NRXN3: variants seen among roughly 807,000 people sequenced by gnomAD.
NRXN3 encodes the protein neurexin 3, also known as neurexin III.
In NRXN3, 32 loss-of-function variants were observed where a neutral mutation model predicts 137.6. That is an observed-to-expected ratio of 0.23 (90% CI 0.18 to 0.31). The LOEUF is 0.31. Ranked by LOEUF, NRXN3 falls within the 10% of genes least tolerant of loss-of-function variation. The pLI, the probability that NRXN3 is intolerant of heterozygous loss-of-function variation, is 1.00. For missense variants in NRXN3, 1,574 were observed against 2,062.5 expected (o/e 0.76, Z 4.59); for synonymous variants, 798 against 784.5 (o/e 1.02, Z -0.29).
chr14:79,548,918 C>T (rs2097348020), intron 16 of NRXN3, among the ~76,000 whole-genome samples: 1 of 152,090 alleles, frequency 6.6e-6, no homozygotes, highest in East Asian at 1.9e-4. Context: ...CTTTCAAAGA[C>T]AGTTTTGACT....
At chr14:78,523,130 CTG>C (rs2153803782) in intron 4 of NRXN3, among the ~76,000 whole-genome samples, 1 of 152,314 alleles carries the variant, frequency 6.6e-6, no homozygotes, top group South Asian at 2.1e-4. Context: ...GATCTAAACT[CTG>C]TATAGATATT....
chr14:79,648,272 C>T (rs1567769352), intron 16 of NRXN3, among the ~76,000 whole-genome samples: 1 of 135,438 alleles, frequency 7.4e-6, no homozygotes, highest in East Asian at 2.0e-4. Context: ...TGATGAGCAA[C>T]AGAAATTAGC....
chr14:79,597,276 C>G (rs1031782879), intron 16 of NRXN3, among the ~76,000 whole-genome samples: 1 of 152,092 alleles, frequency 6.6e-6, no homozygotes, highest in African/African-American at 2.4e-5. Context: ...ACTAAAAGTC[C>G]TTTGCCAACA....
At chr14:78,816,912 A>T (rs2098935248) in intron 10 of NRXN3, among the ~76,000 whole-genome samples, 1 of 152,160 alleles carries the variant, frequency 6.6e-6, no homozygotes, top group African/African-American at 2.4e-5. Flanking sequence ...CCATCCTTTA[A>T]CATCTTCAAA....
chr14:79,070,304 C>A (rs146168161), intron 15 of NRXN3, among the ~76,000 whole-genome samples: 1 of 152,126 alleles, frequency 6.6e-6, no homozygotes, highest in Non-Finnish European at 1.5e-5. Context: ...GAGAGTTTCT[C>A]TCCATTCCCC....
intron 15 of NRXN3, among the ~76,000 whole-genome samples, chr14:79,080,986 T>C (rs1391377676): frequency 2.6e-5 from 4 of 152,162 alleles, no homozygotes; most frequent in African/African-American, 9.7e-5. Context: ...TTGTTTTGGT[T>C]TTTGAATCTC....
intron 15 of NRXN3, among the ~76,000 whole-genome samples, chr14:79,031,294 T>A (rs995971836): frequency 3.9e-5 from 6 of 152,160 alleles, no homozygotes; most frequent in Non-Finnish European, 2.9e-5. Context: ...TTGTTAACTT[T>A]GTAAAATAAA....
At chr14:79,441,364 A>ATTTTTT (rs2095942733) in intron 15 of NRXN3, among the ~76,000 whole-genome samples, 3 of 108,394 alleles carry the variant, frequency 2.8e-5, no homozygotes, top group Admixed American at 9.7e-5. Flanking sequence ...CAAACAGAAA[A>ATTTTTT]TCTTTTTTTT....
intron 15 of NRXN3, among the ~76,000 whole-genome samples, chr14:79,284,943 G>T (rs150101006): frequency 3.9e-5 from 6 of 152,148 alleles, no homozygotes; most frequent in Non-Finnish European, 8.8e-5. Flanking sequence ...CCTTGGTGAT[G>T]AATTAATTAG....
At chr14:78,900,886 G>A (rs2099193754) in intron 10 of NRXN3, among the ~76,000 whole-genome samples, 1 of 151,900 alleles carries the variant, frequency 6.6e-6, no homozygotes, top group Non-Finnish European at 1.5e-5. Flanking sequence ...CTCAAAATAA[G>A]TCAGCCTGCT....
intron 19 of NRXN3, among the ~76,000 whole-genome samples, chr14:79,759,913 G>A (rs1476828987): frequency 6.6e-6 from 1 of 151,654 alleles, no homozygotes; most frequent in Non-Finnish European, 1.5e-5. Flanking sequence ...CTGTCTGTAT[G>A]AATATTTTTA....
Position 78,242,953 on chromosome 14 carries a change from G to A in NRXN3, c.-141G>A, listed in dbSNP as rs746348900. 4 of 618,506 alleles carry A rather than the reference G, an allele frequency of 6.5e-6. No individual in the cohort carries two copies. The highest frequency in any genetic ancestry group is 1.1e-5 in the Non-Finnish European group (4 of 355,102). 38.3% of individuals were successfully genotyped at this position (618,506 alleles called of 1,614,324 possible). A position where few individuals can be genotyped will look rare whatever the true frequency, so the allele number is the denominator to read the frequency against. ...CCATCTCCACTATCTCAGGATCTGT[G>A]TGTGTGCTGCCTTCCTCCTGTGTGC... On this transcript the variant is annotated 5_prime_UTR_variant, in exon 2 of 21. In the 5' UTR this introduces an upstream ATG that the reference lacks. Transcript: ENST00000335750.
chr14:78,693,656 CGTGTGTGTGTGTGTGTGT>C (rs4016744), intron 6 of NRXN3, among the ~76,000 whole-genome samples: 1,903 of 113,982 alleles, frequency 0.017, 51 homozygotes, highest in African/African-American at 0.051. Flanking sequence ...AGTTGATTTT[CGTGTGTGTGTGTGTGTGT>C]GTGTGTGTGT....
chr14:78,794,377 A>G (rs2153059566), intron 8 of NRXN3, among the ~76,000 whole-genome samples: 1 of 152,334 alleles, frequency 6.6e-6, no homozygotes, highest in Non-Finnish European at 1.5e-5. Flanking sequence ...GCGACAGAGC[A>G]AGACTCTGTT....
intron 6 of NRXN3, among the ~76,000 whole-genome samples, chr14:78,669,584 G>A (rs989909729): frequency 5.3e-5 from 8 of 152,104 alleles, no homozygotes; most frequent in Non-Finnish European, 7.4e-5. Flanking sequence ...CAGGTCTGAG[G>A]CCTGTTTGTC....
At position 79,170,870 on chromosome 14, in the gene NRXN3, G is replaced by T. The variant is rs573428114; in HGVS notation, c.3262+182729G>T. On this transcript the variant is annotated intron_variant, in intron 15 of 20. Coordinates refer to ENST00000335750, the MANE Select transcript of NRXN3 (RefSeq NM_001330195.2). The stretch of plus-strand genomic sequence containing the variant: ...AACTGACCCAACCTCATGGGTTTAG[G>T]ATACTAATCAGTGGTTCCCTGGATC... Among the ~76,000 whole-genome samples the T allele has an allele frequency of 6.6e-5, 10 of 152,108 alleles. No homozygotes were observed. In the East Asian group the frequency reaches 9.7e-4, roughly 15 times the overall value.
chr14:78,997,130 A>G (rs927746205), intron 15 of NRXN3, among the ~76,000 whole-genome samples: 1 of 151,944 alleles, frequency 6.6e-6, no homozygotes, highest in African/African-American at 2.4e-5. Flanking sequence ...GTTTTTCACA[A>G]CCCTCCCTGA....
chr14:78,792,278 A>T (rs2098807981), intron 8 of NRXN3, among the ~76,000 whole-genome samples: 1 of 149,738 alleles, frequency 6.7e-6, no homozygotes, highest in Admixed American at 6.6e-5. Context: ...AAAAAAAAAA[A>T]AAAAAGGAAA....
chr14:79,297,870 C>T (rs1183151301), intron 15 of NRXN3, among the ~76,000 whole-genome samples: 1 of 152,000 alleles, frequency 6.6e-6, no homozygotes, highest in Admixed American at 6.6e-5. Context: ...AAATATAATG[C>T]CTCTCATTTA....
Sources: gnomAD v4.1 joint callset for allele counts (sites outside exome capture counted in the v4.1 genomes callset) on GRCh38, gnomAD v4.1.1 for gene constraint, MANE v1.5 for transcripts, NCBI Gene and HGNC (gene_info 2026-07-23, HGNC 2026-07-21) for gene names.